ZBTB37: variants seen among roughly 807,000 people sequenced by gnomAD.
ZBTB37 encodes zinc finger and BTB domain-containing protein 37.
A neutral mutation model predicts 37.7 loss-of-function variants in ZBTB37; 15 were observed. The observed-to-expected ratio is 0.40, with a 90% CI of 0.27 to 0.61. The LOEUF (loss-of-function observed/expected upper bound fraction) is 0.61. ZBTB37 is among the 20% of genes least tolerant of loss of function. The pLI is 0.44. For synonymous variants in ZBTB37, 231 were observed against 220.6 expected (o/e 1.05, Z -0.42); for missense variants, 514 against 641.9 (o/e 0.80, Z 2.15).
At chr1:173,889,631 G>A (rs761432690), downstream of ZBTB37, 1 of 152,158 alleles carries the variant, frequency 6.6e-6, no homozygotes, top group Non-Finnish European at 1.5e-5. Flanking sequence ...GCATTGGCAT[G>A]AACAGTTAAT....
chr1:173,870,701 T>C, exon 3 of ZBTB37: 1 of 1,614,056 alleles, frequency 6.2e-7, no homozygotes, highest in Non-Finnish European at 8.5e-7. Context: ...ACACCAAATC[T>C]CAACCGCTCC....
intron 4 of ZBTB37, among the ~76,000 whole-genome samples, chr1:173,884,524 T>A (rs1311736083): frequency 6.6e-6 from 1 of 152,160 alleles, no homozygotes; most frequent in African/African-American, 2.4e-5. Context: ...AGTTTTCGGA[T>A]AAAAGAAACC....
chr1:173,889,503 G>C (rs759926892), downstream of ZBTB37: 1 of 152,236 alleles, frequency 6.6e-6, no homozygotes, highest in Non-Finnish European at 1.5e-5. Context: ...GTGGCACTTA[G>C]TAGCAAAGGA....
At chr1:173,884,343 A>C (rs1656503938) in intron 4 of ZBTB37, among the ~76,000 whole-genome samples, 1 of 152,088 alleles carries the variant, frequency 6.6e-6, no homozygotes, top group Non-Finnish European at 1.5e-5. Context: ...TTTTTTGTAC[A>C]GGTGGGGTCT....
chr1:173,892,360 A>G (rs1656874231), exon 4 of ZBTB37: 1 of 152,146 alleles, frequency 6.6e-6, no homozygotes, highest in Admixed American at 6.5e-5. Context: ...CGTATTTTCT[A>G]GTCTCTTTCC....
At chr1:173,893,314 C>T (rs1656919802) in exon 4 of ZBTB37, 1 of 152,188 alleles carries the variant, frequency 6.6e-6, no homozygotes, top group South Asian at 2.1e-4. Context: ...TAAGGTATTT[C>T]ATGGGAACAT....
At position 173,881,923 on chromosome 1, in the gene ZBTB37, A is replaced by G. The variant is rs916018583; in HGVS notation, c.1024-3713A>G. Among the ~76,000 whole-genome samples the G allele has an allele frequency of 6.0e-4, 91 of 151,938 alleles. 2 individuals carry two copies. The highest frequency in any genetic ancestry group is 3.6e-3 in the Admixed American group (55 of 15,246). ...CAAAATATTAGCCGGGTGTGGTGGC[A>G]AGCGCCTGTAGTCCCAGCTACTCAG... On this transcript the variant is annotated intron_variant, in intron 4 of 4. Coordinates refer to ENST00000427304, the Ensembl canonical transcript of ZBTB37.
At chr1:173,879,709 T>A (rs1656192195) in intron 4 of ZBTB37, among the ~76,000 whole-genome samples, 1 of 152,170 alleles carries the variant, frequency 6.6e-6, no homozygotes, top group South Asian at 2.1e-4. Flanking sequence ...CCCAGCACTT[T>A]GGGAGGCCCA....
chr1:173,879,938 G>C (rs547381439), intron 4 of ZBTB37, among the ~76,000 whole-genome samples: 1 of 152,156 alleles, frequency 6.6e-6, no homozygotes, highest in East Asian at 1.9e-4. Flanking sequence ...GCGACAAAGC[G>C]AGACTGTCTC....
chr1:173,892,486 T>C (rs769999709), exon 4 of ZBTB37: 1 of 152,200 alleles, frequency 6.6e-6, no homozygotes, highest in Non-Finnish European at 1.5e-5. Context: ...TATGAATACT[T>C]TGAAACATCT....
downstream of ZBTB37, chr1:173,888,120 C>T (rs1056779571): frequency 6.6e-6 from 1 of 152,208 alleles, no homozygotes; most frequent in Non-Finnish European, 1.5e-5. Flanking sequence ...AAGACATAGA[C>T]TGGTGCATCC....
exon 4 of ZBTB37, chr1:173,899,369 G>C (rs1487043113): frequency 6.6e-6 from 1 of 152,084 alleles, no homozygotes; most frequent in Non-Finnish European, 1.5e-5. Context: ...CATACTTAAG[G>C]TGCAGCCTTC....
At chr1:173,895,588 T>C (rs1378939166) in exon 4 of ZBTB37, 2 of 152,178 alleles carry the variant, frequency 1.3e-5, no homozygotes, top group African/African-American at 2.4e-5. Context: ...TACCTACTTA[T>C]CTTAATCCCA....
exon 4 of ZBTB37, chr1:173,897,390 A>AG (rs1376304467): frequency 6.6e-6 from 1 of 152,244 alleles, no homozygotes; most frequent in African/African-American, 2.4e-5. Context: ...TTTTCTTTAG[A>AG]GAAAAAAGAT....
chr1:173,895,079 A>C (rs1353558594), exon 4 of ZBTB37: 3 of 152,162 alleles, frequency 2.0e-5, no homozygotes, highest in Non-Finnish European at 4.4e-5. Context: ...AATACTCTAG[A>C]GGGAGTAAAA....
At chr1:173,896,243 T>G (rs1283227179) in exon 4 of ZBTB37, 1 of 152,180 alleles carries the variant, frequency 6.6e-6, no homozygotes, top group Admixed American at 6.5e-5. Context: ...TTTTTTCCAG[T>G]TCATTCTTAA....
rs975226752 is a variant in ZBTB37 at position 173,875,520 on chromosome 1, T to G, written c.1023+1954T>G. Among the ~76,000 whole-genome samples, 12 of 151,650 alleles carry G rather than the reference T, an allele frequency of 7.9e-5. No individual in the cohort carries two copies. In the East Asian group the frequency reaches 1.7e-3, roughly 22 times the overall value. On this transcript the variant is annotated intron_variant, in intron 4 of 4. Transcript: ENST00000427304. Reference sequence around the variant, plus strand: ...TTTGTATTTTTAGTAGATAGCAGGGTTTCACCATGTGGGCCAGGCTGGTCT... The same window carrying G: ...TTTGTATTTTTAGTAGATAGCAGGGGTTCACCATGTGGGCCAGGCTGGTCT...
exon 3 of ZBTB37, chr1:173,871,035 A>C (rs1387459466): frequency 1.9e-6 from 3 of 1,614,120 alleles, no homozygotes; most frequent in Non-Finnish European, 2.5e-6. Context: ...GTGCAGAGGA[A>C]GTAACAGCCA....
At chr1:173,888,536 A>T (rs1238595591), downstream of ZBTB37, 1 of 152,024 alleles carries the variant, frequency 6.6e-6, no homozygotes, top group Non-Finnish European at 1.5e-5. Flanking sequence ...CAAGTGATTG[A>T]CCTGCCTCAG....
Sources: gnomAD v4.1 joint callset for allele counts (sites outside exome capture counted in the v4.1 genomes callset) on GRCh38, gnomAD v4.1.1 for gene constraint, MANE v1.5 for transcripts, NCBI Gene and HGNC (gene_info 2026-07-23, HGNC 2026-07-21) for gene names.